PLPP1: variants seen among roughly 807,000 people sequenced by gnomAD.
PLPP1 encodes the protein phospholipid phosphatase 1.
PLPP1 carries 24 observed loss-of-function variants against 31.2 expected under a neutral mutation model. The ratio of observed to expected loss-of-function variants is 0.77; its 90% CI spans 0.56 to 1.08. The LOEUF is 1.08. Ranked by LOEUF, PLPP1 falls within the 50% of genes least tolerant of loss-of-function variation. The pLI is 0.00. For missense variants in PLPP1, 319 were observed against 342.7 expected, an observed-to-expected ratio of 0.93 and a Z score of 0.55; for synonymous variants, 146 against 126.3, an observed-to-expected ratio of 1.16 and a Z score of -1.05.
At chr5:55,501,130 T>C (rs1384427779) in intron 1 of PLPP1, among the ~76,000 whole-genome samples, 1 of 152,086 alleles carries the variant, frequency 6.6e-6, no homozygotes, top group Non-Finnish European at 1.5e-5. Flanking sequence ...CTGGCCAACA[T>C]GGCAAAACCC....
At chr5:55,437,059 C>T (rs997438600) in intron 4 of PLPP1, among the ~76,000 whole-genome samples, 2 of 152,190 alleles carry the variant, frequency 1.3e-5, no homozygotes, top group Non-Finnish European at 2.9e-5. Flanking sequence ...ACCATGCTGG[C>T]ACCCTAATCT....
chr5:55,426,352 A>G (rs747136153), intron 4 of PLPP1, among the ~76,000 whole-genome samples: 6 of 152,064 alleles, frequency 3.9e-5, no homozygotes, highest in Non-Finnish European at 7.4e-5. Flanking sequence ...TCCCCTTGCA[A>G]TTTGGGTTAT....
chr5:55,433,324 GAAAAGAAA>G (rs1365000351), intron 4 of PLPP1, among the ~76,000 whole-genome samples: 1 of 146,278 alleles, frequency 6.8e-6, no homozygotes. Flanking sequence ...ACCCAGTCTC[GAAAAGAAA>G]AAAAGAAAAG....
intron 1 of PLPP1, among the ~76,000 whole-genome samples, chr5:55,503,330 A>G (rs1224876385): frequency 6.6e-6 from 1 of 152,230 alleles, no homozygotes; most frequent in African/African-American, 2.4e-5. Flanking sequence ...TCCTGATCTT[A>G]GTATATTGCC....
At chr5:55,515,026 A>G (rs931883837) in intron 1 of PLPP1, among the ~76,000 whole-genome samples, 1 of 152,362 alleles carries the variant, frequency 6.6e-6, no homozygotes, top group South Asian at 2.1e-4. Flanking sequence ...TGACGTAGAC[A>G]GTATTCGCTC....
chr5:55,466,161 A>C (rs574653364), intron 3 of PLPP1, among the ~76,000 whole-genome samples: 2 of 152,256 alleles, frequency 1.3e-5, no homozygotes, highest in South Asian at 4.1e-4. Context: ...CTTTACACCC[A>C]TATCAGTCCT....
intron 1 of PLPP1, among the ~76,000 whole-genome samples, chr5:55,523,212 A>G (rs1427557641): frequency 6.6e-6 from 1 of 152,096 alleles, no homozygotes; most frequent in Non-Finnish European, 1.5e-5. Flanking sequence ...CACCTCAACC[A>G]TTTATTCTTT....
At chr5:55,486,876 G>T (rs964143211) in intron 1 of PLPP1, among the ~76,000 whole-genome samples, 2 of 151,666 alleles carry the variant, frequency 1.3e-5, no homozygotes, top group African/African-American at 4.8e-5. Flanking sequence ...TCGCACCATT[G>T]CACTCCAGCT....
rs138727631 is a variant in PLPP1 at position 55,501,472 on chromosome 5, G to A, written c.59-26022C>T. 3.4e-4 allele frequency among the ~76,000 whole-genome samples: 3 copies of A among 8,848 alleles called. No individual in the cohort carries two copies. In the South Asian group the frequency reaches 0.018, roughly 53 times the overall value. 5.8% of individuals were successfully genotyped at this position (8,848 alleles called of 152,430 possible). A position where few individuals can be genotyped will look rare whatever the true frequency, so the allele number is the denominator to read the frequency against. On this transcript the variant is annotated intron_variant, in intron 1 of 5. Transcript: ENST00000307259. ...TCTTGCAACTTTAGAGATCTATGAT[G>A]ATTTCCTTAAAAATGTATGAAACAA...
chr5:55,534,885 C>T lies in PLPP1; in HGVS notation c.-256G>A. The T allele has an allele frequency of 2.0e-6, 1 of 491,730 alleles. No homozygotes were observed. The highest frequency in any genetic ancestry group is 3.6e-6 in the Non-Finnish European group (1 of 279,388). The allele number at this position is 491,730 out of a possible 1,614,324, so 30.5% of individuals were successfully genotyped here. A position where few individuals can be genotyped will look rare whatever the true frequency, so the allele number is the denominator to read the frequency against. On this transcript the variant is annotated 5_prime_UTR_variant, in exon 1 of 6. Transcript: ENST00000307259. ...CGAGGCGCTCGTGTGCCAGCCGCGG[C>T]AGCTCTGTAGCCTCAGGACCTCCTC...
chr5:55,431,989 A>C (rs1751366090), intron 4 of PLPP1, among the ~76,000 whole-genome samples: 1 of 152,124 alleles, frequency 6.6e-6, no homozygotes, highest in African/African-American at 2.4e-5. Context: ...TGGCGTGATC[A>C]TCACTCACTG....
chr5:55,473,304 CTA>C (rs1752461620), intron 2 of PLPP1, among the ~76,000 whole-genome samples: 1 of 152,180 alleles, frequency 6.6e-6, no homozygotes, highest in Admixed American at 6.5e-5. Context: ...CGTAATTACT[CTA>C]TAGTTTCCTT....
At chr5:55,512,502 A>G (rs1378375378) in intron 1 of PLPP1, among the ~76,000 whole-genome samples, 1,999 of 13,414 alleles carry the variant, frequency 0.15, 162 homozygotes, top group African/African-American at 0.24. Context: ...GAAAGAAAAG[A>G]AAAGAAAAGA....
At chr5:55,522,211 C>A (rs985489871) in intron 1 of PLPP1, among the ~76,000 whole-genome samples, 12 of 152,160 alleles carry the variant, frequency 7.9e-5, no homozygotes, top group African/African-American at 2.9e-4. Context: ...CAGGGAGAGA[C>A]AAAGATCTTC....
At chr5:55,431,927 C>T (rs1561220455) in intron 4 of PLPP1, among the ~76,000 whole-genome samples, 1 of 152,098 alleles carries the variant, frequency 6.6e-6, no homozygotes, top group Non-Finnish European at 1.5e-5. Context: ...ACATCTATCT[C>T]CAATCATCTA....
At position 55,425,237 on chromosome 5, in the gene PLPP1, C is replaced by T. The variant is rs765790927; in HGVS notation, c.824G>A (p.Gly275Glu). The change falls in exon 6 of 6, where the codon GGG becomes GAG. Residue 275 changes from glycine (G) to glutamate (E), a missense_variant. Transcript: ENST00000307259. ...CTGGTGATTGCTCGGATAGTGATTC[C>T]CAGTTGTTGGTGTTTCATGCAGAGT... ...HTTLHETPTT[G>E]NHYPSNHQP is the part of the protein sequence containing the mutation. 7 of 1,613,788 alleles carry T rather than the reference C, an allele frequency of 4.3e-6. No individual in the cohort carries two copies. The South Asian group carries it at 7.7e-5, about 18-fold the overall frequency.
intron 3 of PLPP1, among the ~76,000 whole-genome samples, chr5:55,459,345 G>C (rs1464549262): frequency 6.6e-6 from 1 of 151,818 alleles, no homozygotes; most frequent in South Asian, 2.1e-4. Flanking sequence ...ATTATAGTTA[G>C]AGATTTCAAG....
chr5:55,430,523 A>G lies in PLPP1; in HGVS notation c.550-4484T>C, dbSNP rs565116806. On this transcript the variant is annotated intron_variant, in intron 4 of 5. Transcript: ENST00000307259. ...AATCATACTGAGACTACACTATTGC[A>G]TGCATCTGGAATCAAAGCCAAAGTG... 7.2e-5 allele frequency among the ~76,000 whole-genome samples: 11 copies of G among 152,376 alleles called. No homozygotes were observed. In the South Asian group the frequency reaches 1.9e-3, roughly 26 times the overall value.
intron 4 of PLPP1, among the ~76,000 whole-genome samples, chr5:55,436,017 G>GAAA (rs57953984): frequency 8.7e-6 from 1 of 114,888 alleles, no homozygotes. Flanking sequence ...CTGTCTCAGA[G>GAAA]AAAAAAAAAA....
Sources: gnomAD v4.1 joint callset for allele counts (sites outside exome capture counted in the v4.1 genomes callset) on GRCh38, gnomAD v4.1.1 for gene constraint, MANE v1.5 for transcripts, NCBI Gene and HGNC (gene_info 2026-07-23, HGNC 2026-07-21) for gene names.